The following RNF31 variants were observed in gnomAD, a reference collection of about 807,000 sequenced individuals.
RNF31 encodes the protein E3 ubiquitin-protein ligase RNF31.
Under a neutral mutation model 133.6 loss-of-function variants are expected in RNF31, and 38 were observed. That is an observed-to-expected ratio of 0.28 (90% CI 0.22 to 0.37). The LOEUF is 0.37. Among genes scored for constraint, RNF31 ranks in the 10% least tolerant of loss-of-function variants. The probability of loss-of-function intolerance (pLI) is 1.00; values close to 1 mark genes in which losing one functional copy is unlikely to be tolerated. For synonymous variants in RNF31, 582 were observed against 552.3 expected, an observed-to-expected ratio of 1.05 and a Z score of -0.75; for missense variants, 1,118 against 1,394.1, an observed-to-expected ratio of 0.80 and a Z score of 3.15.
rs761521255 is a variant in RNF31 at position 24,151,624 on chromosome 14, A to C, written c.1877A>C (p.Asp626Ala). 8 of 1,613,068 alleles carry C rather than the reference A, an allele frequency of 5.0e-6. No homozygotes were observed. Among genetic ancestry groups the C allele is most frequent in the Middle Eastern group, 1.6e-4 (1 of 6,084 alleles). ...RLEPFRQRLW[D>A]SGPEPTPSWD... ...GAGCCCTTCCGCCAGCGCCTCTGGG[A>C]CAGTGGCCCTGAGCCCACCCCTTCC... The change falls in exon 10 of 21, where the codon GAC (aspartate) becomes GCC (alanine). Residue 626 changes from aspartate to alanine, a missense_variant. Transcript: ENST00000324103. The surrounding 1 kb of genome is among the most constrained non-coding windows in gnomAD (Gnocchi z 5.3).
In RNF31 at chr14:24,157,742, C is replaced by T. The variant is rs528650447; in HGVS notation, c.2727+104C>T. ...GGCCCCGGGGAAGAGAAGAGGTCAA[C>T]GGGATGTAAAGCACAACTCTCTGTC... On this transcript the variant is annotated intron_variant, in intron 16 of 20. Coordinates refer to ENST00000324103, the MANE Select transcript of RNF31 (RefSeq NM_017999.5). 1.0e-4 allele frequency: 119 copies of T among 1,151,872 alleles called. No individual in the cohort carries two copies. The African/African-American group carries it at 1.1e-3, about 11-fold the overall frequency. The allele number at this position is 1,151,872 out of a possible 1,614,324, so 71.4% of individuals were successfully genotyped here. A position where few individuals can be genotyped will look rare whatever the true frequency, so the allele number is the denominator to read the frequency against.
chr14:24,154,000 G>A (rs1032061709), intron 11 of RNF31, among the ~76,000 whole-genome samples: 15 of 151,988 alleles, frequency 9.9e-5, no homozygotes, highest in Admixed American at 2.0e-4. Context: ...TTCACTCAGC[G>A]ATGACATTTT....
At chr14:24,147,426 T>G (rs1476016516), upstream of RNF31, 2 of 331,224 alleles carry the variant, frequency 6.0e-6, no homozygotes, top group East Asian at 9.4e-5. Context: ...CCTGGTTTCC[T>G]GACACCGCTC....
In RNF31 at chr14:24,151,011, T is replaced by TA; in HGVS notation, c.1489-119dup. ...AGCAGCTGCCTGTTACTGAGGCAGT[T>TA]ACCATTGCTGTACACTGATGACATG... On this transcript the variant is annotated intron_variant, in intron 8 of 20. Transcript: ENST00000324103. The surrounding 1 kb of genome is among the most constrained non-coding windows in gnomAD (Gnocchi z 5.3). The TA allele has an allele frequency of 6.6e-7, 1 of 1,512,218 alleles. No individual in the cohort carries two copies. The highest frequency in any genetic ancestry group is 8.9e-7 in the Non-Finnish European group (1 of 1,123,030). 93.7% of individuals were successfully genotyped at this position (1,512,218 alleles called of 1,614,324 possible).
Position 24,150,818 on chromosome 14 carries a change from GTGGAGATCC to G in RNF31, c.1421_1429del (p.Gly474_Pro476del). 2 of 1,594,750 alleles carry G rather than the reference GTGGAGATCC, an allele frequency of 1.3e-6. No homozygotes were observed. Among genetic ancestry groups the G allele is most frequent in the Non-Finnish European group, 1.7e-6 (2 of 1,169,554 alleles). ...CTTAGTGCCCCCCTGCCCAGTTCCT[GTGGAGATCC>G]TGAGAAGCAGCGCCAAGACAAGATG... On this transcript the variant is annotated inframe_deletion, in exon 8 of 21. Transcript: ENST00000324103.
In RNF31 at chr14:24,155,150, C is replaced by T. The variant is rs985209334; in HGVS notation, c.2131-7C>T. The T allele has an allele frequency of 4.3e-6, 7 of 1,612,796 alleles. No individual in the cohort carries two copies. In the Admixed American group the frequency reaches 5.0e-5, roughly 12 times the overall value. On this transcript the variant is annotated splice_region_variant and splice_polypyrimidine_tract_variant and intron_variant, in intron 11 of 20. Coordinates refer to ENST00000324103, the MANE Select transcript of RNF31 (RefSeq NM_017999.5). This position sits in a 1 kb window ranked among gnomAD's most constrained non-coding sequence, Gnocchi z 4.9. ...GACCCCCTCCCCTCCAACCCCTCACCCTCCAGATGCAGGCCCTGACTTCCT... is the reference window on the plus strand; with the variant it reads ...GACCCCCTCCCCTCCAACCCCTCACTCTCCAGATGCAGGCCCTGACTTCCT...
intron 11 of RNF31, among the ~76,000 whole-genome samples, chr14:24,154,294 A>G (rs200393224): frequency 6.6e-6 from 1 of 152,258 alleles, no homozygotes; most frequent in South Asian, 2.1e-4. Context: ...AGTAGCTGGG[A>G]TTACAGGCAT....
In RNF31 at chr14:24,150,825, T is replaced by C; in HGVS notation, c.1425T>C (p.Asp475=). ...CCCCCCTGCCCAGTTCCTGTGGAGA[T>C]CCTGAGAAGCAGCGCCAAGACAAGA... The part of the protein sequence containing the change: ...LSAPLPSSCG[D]PEKQRQDKMR... The change falls in exon 8 of 21, where the codon GAT becomes GAC. Residue 475 remains aspartate (D), a synonymous_variant. Coordinates refer to ENST00000324103, the MANE Select transcript of RNF31 (RefSeq NM_017999.5). The C allele has an allele frequency of 1.3e-6, 2 of 1,590,456 alleles. No homozygotes were observed. The highest frequency in any genetic ancestry group is 2.7e-5 in the African/African-American group (2 of 73,836).
At chr14:24,157,138 A>G (rs571835712) in intron 14 of RNF31, 152 bp from the exon 15 acceptor site, 4 of 594,736 alleles carry the variant, frequency 6.7e-6, no homozygotes, top group African/African-American at 1.9e-5. Context: ...GAAAGGACCA[A>G]GGATGGCCTC....
chr14:24,149,239 C>G (rs1409863732), intron 5 of RNF31, 167 bp from the exon 6 acceptor site: 2 of 710,152 alleles, frequency 2.8e-6, no homozygotes, highest in Admixed American at 5.9e-5. Context: ...CTAAGATTAC[C>G]TGCATGAGCC....
In RNF31 at chr14:24,150,217, C is replaced by A. The variant is rs1392765214; in HGVS notation, c.966C>A (p.Ala322=). The change falls in exon 7 of 21, where the codon GCC becomes GCA. Residue 322 remains alanine (A), a synonymous_variant. Transcript: ENST00000324103. ...LNEPWAVLCV[A]CDRPRGCKGL... is the part of the protein sequence containing the mutation. ...AGCCTTGGGCAGTGCTCTGTGTGGCCTGTGATCGGCCCCGAGGCTGTAAGG... is the reference window on the plus strand; with the variant it reads ...AGCCTTGGGCAGTGCTCTGTGTGGCATGTGATCGGCCCCGAGGCTGTAAGG... 1 of 1,614,200 alleles carries A rather than the reference C, an allele frequency of 6.2e-7. No individual in the cohort carries two copies. Among genetic ancestry groups the A allele is most frequent in the Middle Eastern group, 1.6e-4 (1 of 6,062 alleles).
At chr14:24,158,224 G>A (rs1333239272) in intron 18 of RNF31, 25 bp downstream of exon 18, 11 of 1,611,002 alleles carry the variant, frequency 6.8e-6, no homozygotes, top group Non-Finnish European at 9.3e-6. Context: ...AAGCCTTTGA[G>A]AAGAGGAGAT....
In RNF31 at chr14:24,151,658, G is replaced by C; in HGVS notation, c.1911G>C (p.Gly637=). The C allele has an allele frequency of 1.9e-6, 3 of 1,611,086 alleles. No homozygotes were observed. The highest frequency in any genetic ancestry group is 2.5e-6 in the Non-Finnish European group (3 of 1,179,950). ...SGPEPTPSWD[G]PDKQSLVRRL... ...CTGAGCCCACCCCTTCCTGGGATGG[G>C]CCAGACAAGCAGGTGCTGGGAGGAG... is the stretch of plus-strand genomic sequence containing the variant. Residue 637 remains glycine (G), a synonymous_variant, in exon 10 of 21, where the codon GGG becomes GGC. Transcript: ENST00000324103. This position sits in a 1 kb window ranked among gnomAD's most constrained non-coding sequence, Gnocchi z 5.3.
At position 24,151,626 on chromosome 14, in the gene RNF31, A is replaced by G; in HGVS notation, c.1879A>G (p.Ser627Gly). 5 of 1,613,062 alleles carry G rather than the reference A, an allele frequency of 3.1e-6. No homozygotes were observed. The highest frequency in any genetic ancestry group is 4.2e-6 in the Non-Finnish European group (5 of 1,180,010). Reference sequence around the variant, plus strand: ...GCCCTTCCGCCAGCGCCTCTGGGACAGTGGCCCTGAGCCCACCCCTTCCTG... The same window carrying G: ...GCCCTTCCGCCAGCGCCTCTGGGACGGTGGCCCTGAGCCCACCCCTTCCTG... ...LEPFRQRLWD[S>G]GPEPTPSWDG... is the part of the protein sequence containing the mutation. Residue 627 changes from serine to glycine, a missense_variant, in exon 10 of 21, where the codon AGT becomes GGT. Coordinates refer to ENST00000324103, the MANE Select transcript of RNF31 (RefSeq NM_017999.5). This position sits in a 1 kb window ranked among gnomAD's most constrained non-coding sequence, Gnocchi z 5.3.
At chr14:24,148,212 T>C (rs2038201510) in intron 2 of RNF31, 46 bp from the exon 3 acceptor site, 1 of 1,613,280 alleles carries the variant, frequency 6.2e-7, no homozygotes, top group Non-Finnish European at 8.5e-7. Flanking sequence ...CCAGCCCTAC[T>C]AGGCAGGAAA....
chr14:24,154,974 C>T, intron 11 of RNF31, 183 bp from the exon 12 acceptor site: 1 of 596,948 alleles, frequency 1.7e-6, no homozygotes, highest in Non-Finnish European at 2.9e-6. Context: ...GTCTATTTTC[C>T]TCCACCCGAC....
chr14:24,158,453 C>A, intron 18 of RNF31: 2 of 522,238 alleles, frequency 3.8e-6, no homozygotes, highest in South Asian at 2.8e-5. Context: ...TTCTCCCATT[C>A]CCAAATGATC....
chr14:24,155,660 C>T lies in RNF31; in HGVS notation c.2461C>T (p.His821Tyr). 1.2e-6 allele frequency: 2 copies of T among 1,614,168 alleles called. No homozygotes were observed. The highest frequency in any genetic ancestry group is 1.1e-5 in the South Asian group (1 of 91,064). ...EQLEATCPQC[H>Y]QTFCVRCKRQ... ...GCTGGAGGCAACTTGTCCCCAGTGT[C>T]ACCAGACCTTCTGTGTGCGCTGCAA... Residue 821 changes from histidine (H) to tyrosine (Y), a missense_variant, in exon 14 of 21, where the codon CAC (histidine) becomes TAC (tyrosine). Physicochemically the swap from His to Tyr is moderately conservative, Grantham distance 83. Around this residue, in one of 3 missense-constraint regions of RNF31, gnomAD observed 201 missense variants for 371.7 expected, o/e 0.54. Coordinates refer to ENST00000324103, the MANE Select transcript of RNF31 (RefSeq NM_017999.5). This position sits in a 1 kb window ranked among gnomAD's most constrained non-coding sequence, Gnocchi z 4.9.
In RNF31 at chr14:24,149,296, C is replaced by G. The variant is rs549776100; in HGVS notation, c.632-110C>G. Reference sequence around the variant, plus strand: ...TTTTAAAAGAGATTAAAATTGTTTCCTTGGGTCCAGATGTTTAAAAAGTAG... The same window carrying G: ...TTTTAAAAGAGATTAAAATTGTTTCGTTGGGTCCAGATGTTTAAAAAGTAG... On this transcript the variant is annotated intron_variant, in intron 5 of 20. Coordinates refer to ENST00000324103, the MANE Select transcript of RNF31 (RefSeq NM_017999.5). 2.8e-5 allele frequency: 32 copies of G among 1,148,940 alleles called. No individual in the cohort carries two copies. In the South Asian group the frequency reaches 4.8e-4, roughly 17 times the overall value. The allele number at this position is 1,148,940 out of a possible 1,614,324, so 71.2% of individuals were successfully genotyped here. A position where few individuals can be genotyped will look rare whatever the true frequency, so the allele number is the denominator to read the frequency against.
Sources: allele counts gnomAD v4.1 joint callset (sites outside exome capture counted in the v4.1 genomes callset), GRCh38; gene constraint gnomAD v4.1.1; regional missense constraint gnomAD v4.1.1; non-coding constraint Gnocchi (gnomAD v3.1); transcripts MANE v1.5; gene names NCBI Gene and HGNC (gene_info 2026-07-23, HGNC 2026-07-21).